The following PXDNL variants were observed in gnomAD, a reference collection of about 807,000 sequenced individuals.
PXDNL encodes peroxidasin like, also known as probable oxidoreductase PXDNL.
A neutral mutation model predicts 150.8 loss-of-function variants in PXDNL; 145 were observed. That is an observed-to-expected ratio of 0.96 (90% confidence interval 0.84 to 1.10). The LOEUF (loss-of-function observed/expected upper bound fraction) is 1.10, where lower values mean the gene tolerates loss of function less well. Ranked by LOEUF, PXDNL falls within the 50% of genes least tolerant of loss-of-function variation. The pLI is 0.00. For missense variants in PXDNL, 2,087 were observed against 1,873.9 expected, an observed-to-expected ratio of 1.11 and a Z score of -2.10; for synonymous variants, 757 against 725.7, an observed-to-expected ratio of 1.04 and a Z score of -0.69.
chr8:51,347,796 T>A (rs1806206188), intron 19 of PXDNL, among the ~76,000 whole-genome samples: 1 of 152,172 alleles, frequency 6.6e-6, no homozygotes, highest in Non-Finnish European at 1.5e-5. Context: ...AGCTGTACAT[T>A]ATACTAAGGG....
intron 2 of PXDNL, among the ~76,000 whole-genome samples, chr8:51,603,854 C>A (rs1410749457): frequency 6.6e-6 from 1 of 152,070 alleles, no homozygotes; most frequent in Non-Finnish European, 1.5e-5. Flanking sequence ...ATTTACCAGG[C>A]AACTCTGTTG....
intron 3 of PXDNL, among the ~76,000 whole-genome samples, chr8:51,588,966 TATG>T (rs761569470): frequency 1.3e-5 from 2 of 152,214 alleles, no homozygotes. Flanking sequence ...CCAGTGTAAC[TATG>T]ATAAGAGATA....
intron 2 of PXDNL, among the ~76,000 whole-genome samples, chr8:51,601,180 G>C (rs1270251954): frequency 2.0e-5 from 3 of 151,602 alleles, no homozygotes; most frequent in African/African-American, 7.3e-5. Flanking sequence ...GTGCAGGTGA[G>C]AGAATATATA....
chr8:51,630,328 A>C (rs1814463666), intron 2 of PXDNL, among the ~76,000 whole-genome samples: 1 of 152,186 alleles, frequency 6.6e-6, no homozygotes, highest in African/African-American at 2.4e-5. Flanking sequence ...AAACTATAAA[A>C]ACCTTGTAAG....
intron 4 of PXDNL, among the ~76,000 whole-genome samples, chr8:51,546,130 A>G (rs1184898614): frequency 6.6e-6 from 1 of 152,224 alleles, no homozygotes; most frequent in Non-Finnish European, 1.5e-5. Context: ...GACCCTTTAT[A>G]GCAGCTGCTT....
At chr8:51,596,260 T>C (rs1813561978) in intron 2 of PXDNL, among the ~76,000 whole-genome samples, 1 of 152,222 alleles carries the variant, frequency 6.6e-6, no homozygotes, top group Non-Finnish European at 1.5e-5. Flanking sequence ...TAGTATTCCA[T>C]GGTGTATATG....
Position 51,447,181 on chromosome 8 carries a change from A to T in PXDNL, c.1367-19T>A. ...TGCCCTCCTGCAAAAAGAGGTAAAG[A>T]AAGTATTCTTCATGGCCCAGAGCAC... On this transcript the variant is annotated intron_variant, in intron 11 of 22. Coordinates refer to ENST00000356297, the MANE Select transcript of PXDNL (RefSeq NM_144651.5). 1 of 1,611,684 alleles carries T rather than the reference A, an allele frequency of 6.2e-7. No homozygotes were observed. Among genetic ancestry groups the T allele is most frequent in the Non-Finnish European group, 8.5e-7 (1 of 1,178,468 alleles).
chr8:51,748,263 C>T (rs2037007840), intron 1 of PXDNL, among the ~76,000 whole-genome samples: 1 of 152,202 alleles, frequency 6.6e-6, no homozygotes, highest in African/African-American at 2.4e-5. Flanking sequence ...ACGTTTGCCT[C>T]CTTTTTTGAG....
In PXDNL at chr8:51,591,755, A is replaced by T. The variant is rs969142928; in HGVS notation, c.308+872T>A. On this transcript the variant is annotated intron_variant, in intron 3 of 22. Transcript: ENST00000356297. ...TGCCTCAGCCTCCCGAGTAGCTGGG[A>T]CTACAGGTGCCCACCACCATGCCTG... Among the ~76,000 whole-genome samples the T allele has an allele frequency of 6.6e-4, 101 of 152,006 alleles. 1 individual carries two copies. The highest frequency in any genetic ancestry group is 1.9e-4 in the Non-Finnish European group (13 of 67,978).
chr8:51,536,682 T>C (rs1812085958), intron 4 of PXDNL, among the ~76,000 whole-genome samples: 1 of 152,062 alleles, frequency 6.6e-6, no homozygotes, highest in Non-Finnish European at 1.5e-5. Flanking sequence ...TCTTTCTTCG[T>C]AATATATCAC....
intron 17 of PXDNL, among the ~76,000 whole-genome samples, chr8:51,393,819 A>G (rs1807985689): frequency 6.6e-6 from 1 of 152,238 alleles, no homozygotes; most frequent in South Asian, 2.1e-4. Context: ...AAAGACAGGG[A>G]AACAAATCAT....
At chr8:51,377,105 TACAC>T (rs772419401) in intron 17 of PXDNL, among the ~76,000 whole-genome samples, 3,488 of 140,682 alleles carry the variant, frequency 0.025, 73 homozygotes, top group East Asian at 0.092. Context: ...CTCTACCCTT[TACAC>T]ACACACACAC....
At chr8:51,490,447 A>G (rs2130221924) in intron 5 of PXDNL, among the ~76,000 whole-genome samples, 1 of 152,130 alleles carries the variant, frequency 6.6e-6, no homozygotes, top group African/African-American at 2.4e-5. Context: ...CAGAGTGAAG[A>G]TGTAAAAGGT....
chr8:51,363,226 T>C (rs1806808142), intron 19 of PXDNL, among the ~76,000 whole-genome samples: 1 of 152,010 alleles, frequency 6.6e-6, no homozygotes, highest in Non-Finnish European at 1.5e-5. Flanking sequence ...CCCTTCATAG[T>C]CCTCCTGGGT....
chr8:51,623,007 C>T (rs1475517531), intron 2 of PXDNL, among the ~76,000 whole-genome samples: 2 of 152,204 alleles, frequency 1.3e-5, no homozygotes, highest in Non-Finnish European at 2.9e-5. Context: ...CTGTTCAAAA[C>T]CTGCTCTGCT....
chr8:51,579,995 T>G (rs924808975), intron 3 of PXDNL, among the ~76,000 whole-genome samples: 3 of 136,142 alleles, frequency 2.2e-5, no homozygotes, highest in African/African-American at 1.0e-4. Flanking sequence ...CACTAAAACT[T>G]AAAGTATAAT....
At chr8:51,698,528 C>G (rs1306554361) in intron 1 of PXDNL, among the ~76,000 whole-genome samples, 1 of 152,216 alleles carries the variant, frequency 6.6e-6, no homozygotes. Context: ...TTTACCACAT[C>G]TGCAGTTATT....
chr8:51,457,174 G>A (rs1294093184), intron 9 of PXDNL, among the ~76,000 whole-genome samples: 2 of 152,204 alleles, frequency 1.3e-5, no homozygotes, highest in Non-Finnish European at 2.9e-5. Flanking sequence ...ATGAATGAAT[G>A]ATTGAATGAA....
chr8:51,616,489 T>C (rs534726744), intron 2 of PXDNL, among the ~76,000 whole-genome samples: 1 of 152,334 alleles, frequency 6.6e-6, no homozygotes, highest in African/African-American at 2.4e-5. Context: ...TTTGTATCCA[T>C]AGCTATACAG....
Sources: allele counts gnomAD v4.1 joint callset (sites outside exome capture counted in the v4.1 genomes callset), GRCh38; gene constraint gnomAD v4.1.1; transcripts MANE v1.5; gene names NCBI Gene and HGNC (gene_info 2026-07-23, HGNC 2026-07-21).